The following SLC30A8 variants were observed in gnomAD, a reference collection of about 807,000 sequenced individuals.
The protein encoded by SLC30A8 is solute carrier family 30 member 8, also known as proton-coupled zinc antiporter SLC30A8.
In SLC30A8, 27 loss-of-function variants were observed where a neutral mutation model predicts 36.9. The observed-to-expected ratio is 0.73, with a 90% CI of 0.54 to 1.01. SLC30A8 has a LOEUF of 1.01. SLC30A8 is among the 50% of genes least tolerant of loss of function. The pLI, the probability that SLC30A8 is intolerant of heterozygous loss-of-function variation, is 0.00. For synonymous variants in SLC30A8, 164 were observed against 172.4 expected (o/e 0.95, Z 0.38); for missense variants, 439 against 452.0 (o/e 0.97, Z 0.26).
chr8:117,037,371 C>A (rs150675129), intron 1 of SLC30A8, among the ~76,000 whole-genome samples: 3 of 152,110 alleles, frequency 2.0e-5, no homozygotes, highest in African/African-American at 4.8e-5. Flanking sequence ...TAGAGGTTTT[C>A]GAAGACTAAC....
At chr8:117,055,787 G>A (rs1439681919) in intron 2 of SLC30A8, 1 of 152,200 alleles carries the variant, frequency 6.6e-6, no homozygotes, top group African/African-American at 2.4e-5. Flanking sequence ...AGTTCCAAGT[G>A]TAAGGCCTGG....
At chr8:117,111,322 G>A (rs1373268107) in intron 2 of SLC30A8, among the ~76,000 whole-genome samples, 1 of 152,124 alleles carries the variant, frequency 6.6e-6, no homozygotes, top group African/African-American at 2.4e-5. Flanking sequence ...GGTTTTGGAA[G>A]CAGGGAAAAA....
At chr8:117,045,847 C>T (rs1027756377) in intron 2 of SLC30A8, among the ~76,000 whole-genome samples, 27 of 152,184 alleles carry the variant, frequency 1.8e-4, no homozygotes, top group Non-Finnish European at 3.5e-4. Flanking sequence ...CCGATGGCCC[C>T]GCGGATCTCT....
intron 2 of SLC30A8, among the ~76,000 whole-genome samples, chr8:117,106,454 A>T (rs1819999096): frequency 6.6e-6 from 1 of 152,202 alleles, no homozygotes; most frequent in Non-Finnish European, 1.5e-5. Flanking sequence ...TTACTAAGAT[A>T]CAGGGATAAA....
At chr8:117,063,494 A>T (rs1475150679) in intron 2 of SLC30A8, among the ~76,000 whole-genome samples, 1 of 152,228 alleles carries the variant, frequency 6.6e-6, no homozygotes, top group East Asian at 1.9e-4. Context: ...ACAATTTCAA[A>T]TGCAAAGCAA....
Position 117,157,927 on chromosome 8 carries a change from A to C in SLC30A8, c.572+83A>C, listed in dbSNP as rs568960572. On this transcript the variant is annotated intron_variant, in intron 4 of 7. Transcript: ENST00000456015. Reference sequence around the variant, plus strand: ...ACAAAGTCGACCTTTTAAAAAACTCAGTACATGTGAAGATGGTAGAGACTG... The same window carrying C: ...ACAAAGTCGACCTTTTAAAAAACTCCGTACATGTGAAGATGGTAGAGACTG... The C allele has an allele frequency of 2.7e-6, 4 of 1,471,532 alleles. No homozygotes were observed. In the African/African-American group the frequency reaches 4.2e-5, roughly 15 times the overall value. The allele number at this position is 1,471,532 out of a possible 1,614,324, so 91.2% of individuals were successfully genotyped here.
rs369119244 is a variant in SLC30A8 at position 117,137,966 on chromosome 8, C to G, written c.71+2568C>G. ...ACCACAGGAAGTAGTAATATTGGACCCAGTAGGTGCCATGAACCATATTTT... is the reference window on the plus strand; with the variant it reads ...ACCACAGGAAGTAGTAATATTGGACGCAGTAGGTGCCATGAACCATATTTT... On this transcript the variant is annotated intron_variant, in intron 1 of 7. Coordinates refer to ENST00000456015, the MANE Select transcript of SLC30A8 (RefSeq NM_173851.3). 6.6e-5 allele frequency among the ~76,000 whole-genome samples: 10 copies of G among 150,542 alleles called. No individual in the cohort carries two copies. In the East Asian group the frequency reaches 7.9e-4, roughly 12 times the overall value.
intron 4 of SLC30A8, among the ~76,000 whole-genome samples, chr8:117,159,709 C>T (rs1412130243): frequency 1.3e-5 from 2 of 152,070 alleles, no homozygotes; most frequent in South Asian, 2.1e-4. Context: ...CAATAAAGTC[C>T]GCTTTGCATA....
intron 1 of SLC30A8, among the ~76,000 whole-genome samples, chr8:117,014,700 A>G (rs1180543090): frequency 6.6e-6 from 1 of 152,170 alleles, no homozygotes; most frequent in Non-Finnish European, 1.5e-5. Flanking sequence ...TCTGGCAAAT[A>G]TCAGAGAGCT....
At chr8:117,075,975 T>A (rs1818475667) in intron 2 of SLC30A8, among the ~76,000 whole-genome samples, 1 of 152,206 alleles carries the variant, frequency 6.6e-6, no homozygotes, top group African/African-American at 2.4e-5. Context: ...TACCTTTACC[T>A]AGAATTTCCT....
At chr8:116,971,126 A>C (rs567960302) in intron 1 of SLC30A8, among the ~76,000 whole-genome samples, 32 of 151,650 alleles carry the variant, frequency 2.1e-4, no homozygotes, top group Non-Finnish European at 1.9e-4. Context: ...CACACACACA[A>C]AAAAGAAAAG....
intron 1 of SLC30A8, among the ~76,000 whole-genome samples, chr8:117,014,476 T>C (rs146501695): frequency 2.6e-4 from 40 of 152,318 alleles, no homozygotes; most frequent in Admixed American, 1.7e-3. Context: ...GAGTTAGCTG[T>C]TTAAACATGA....
Position 117,127,171 on chromosome 8 carries a change from C to T in SLC30A8, c.-225-8109C>T, listed in dbSNP as rs1354635. On this transcript the variant is annotated intron_variant, in intron 2 of 10. Coordinates refer to the SLC30A8 transcript ENST00000427715. ...TTCATTTTAGCTAAGCATCGCGTAC[C>T]TAATTGGTACGCGTTCCAAATTATT... Among the ~76,000 whole-genome samples the T allele has an allele frequency of 1.8e-4, 28 of 152,110 alleles. No individual in the cohort carries two copies. The South Asian group carries it at 5.6e-3, about 30-fold the overall frequency.
In SLC30A8 at chr8:117,153,063, C is replaced by A; in HGVS notation, c.391C>A (p.Arg131=). The change falls in exon 3 of 8, where the codon CGG becomes AGG. Residue 131 remains arginine (R), a synonymous_variant. Transcript: ENST00000456015. ...GTTGTCATCGAAGCCTCCCTCTAAG[C>A]GGCTGACATTTGGATGGCACCGAGC... is the stretch of plus-strand genomic sequence containing the variant. ...LWLSSKPPSK[R]LTFGWHRAEI... 1.2e-6 allele frequency: 2 copies of A among 1,611,832 alleles called. No individual in the cohort carries two copies. The highest frequency in any genetic ancestry group is 1.7e-6 in the Non-Finnish European group (2 of 1,178,460).
At chr8:117,005,864 A>T (rs533485257) in intron 1 of SLC30A8, among the ~76,000 whole-genome samples, 2 of 152,164 alleles carry the variant, frequency 1.3e-5, no homozygotes, top group Non-Finnish European at 2.9e-5. Context: ...TTGCCATTTC[A>T]CTTGGCAATA....
chr8:116,984,261 T>G (rs942463685), intron 1 of SLC30A8, among the ~76,000 whole-genome samples: 1 of 152,186 alleles, frequency 6.6e-6, no homozygotes, highest in Non-Finnish European at 1.5e-5. Flanking sequence ...TAATAAAGCT[T>G]CTATGAATAC....
chr8:116,995,340 C>G (rs1815778847), intron 1 of SLC30A8, among the ~76,000 whole-genome samples: 1 of 151,962 alleles, frequency 6.6e-6, no homozygotes, highest in South Asian at 2.1e-4. Flanking sequence ...AATAAGCCAC[C>G]AAATAAAGCC....
At chr8:117,131,741 G>C (rs760848910), upstream of SLC30A8, among the ~76,000 whole-genome samples, 2 of 152,010 alleles carry the variant, frequency 1.3e-5, no homozygotes, top group Non-Finnish European at 2.9e-5. Flanking sequence ...ACATGGCCCA[G>C]TGTATAGAAA....
intron 2 of SLC30A8, among the ~76,000 whole-genome samples, chr8:117,049,520 A>G (rs1817645847): frequency 6.6e-6 from 1 of 152,188 alleles, no homozygotes; most frequent in Admixed American, 6.5e-5. Context: ...ATTGCAATTT[A>G]GAGGCTGCAA....
Sources: gnomAD v4.1 joint callset for allele counts (sites outside exome capture counted in the v4.1 genomes callset) on GRCh38, gnomAD v4.1.1 for gene constraint, MANE v1.5 for transcripts, NCBI Gene and HGNC (gene_info 2026-07-23, HGNC 2026-07-21) for gene names.